The following SLC6A3 variants were observed in gnomAD, a reference collection of about 807,000 sequenced individuals.
SLC6A3 encodes the protein sodium-dependent dopamine transporter.
A neutral mutation model predicts 70.4 loss-of-function variants in SLC6A3; 19 were observed. The ratio of observed to expected loss-of-function variants is 0.27; its 90% CI spans 0.19 to 0.40. The LOEUF (loss-of-function observed/expected upper bound fraction) is 0.40, where lower values mean the gene tolerates loss of function less well. Among genes scored for constraint, SLC6A3 ranks in the 10% least tolerant of loss-of-function variants. The pLI, the probability that SLC6A3 is intolerant of heterozygous loss-of-function variation, is 1.00. For synonymous variants in SLC6A3, 368 were observed against 356.6 expected (o/e 1.03, Z -0.36); for missense variants, 613 against 838.5 (o/e 0.73, Z 3.32).
chr5:1,397,705 A>G lies in SLC6A3; in HGVS notation c.1840-2947T>C, dbSNP rs1755754195. Among the ~76,000 whole-genome samples, 1 of 152,216 alleles carries G rather than the reference A, an allele frequency of 6.6e-6. No homozygotes were observed. The highest frequency in any genetic ancestry group is 6.5e-5 in the Admixed American group (1 of 15,280). ...CAGCATAAAGATGTTCCCACACACC[A>G]ATAGTGAGGGAGGTTAGCAAGAGAC... On this transcript the variant is annotated intron_variant, in intron 14 of 14. Coordinates refer to ENST00000270349, the MANE Select transcript of SLC6A3 (RefSeq NM_001044.5). The surrounding 1 kb of genome is among the most constrained non-coding windows in gnomAD (Gnocchi z 4.7).
At chr5:1,407,326 C>T (rs1255364107) in intron 11 of SLC6A3, among the ~76,000 whole-genome samples, 1 of 152,182 alleles carries the variant, frequency 6.6e-6, no homozygotes, top group East Asian at 1.9e-4. Context: ...GAGCTCTGAA[C>T]ATGAGAGATG....
chr5:1,423,338 G>A (rs1311150155), intron 4 of SLC6A3, among the ~76,000 whole-genome samples: 1 of 151,014 alleles, frequency 6.6e-6, no homozygotes, highest in Non-Finnish European at 1.5e-5. Flanking sequence ...ACCCACCGCT[G>A]CCCACAGTGC....
chr5:1,410,042 G>A (rs1008144810), intron 9 of SLC6A3, among the ~76,000 whole-genome samples, 193 bp from the exon 10 acceptor site: 12 of 152,224 alleles, frequency 7.9e-5, no homozygotes, highest in African/African-American at 2.7e-4. Context: ...CGGCACGACC[G>A]CAGGAGAGAG....
At chr5:1,416,073 C>T in intron 7 of SLC6A3, 25 bp downstream of exon 7, 2 of 1,566,474 alleles carry the variant, frequency 1.3e-6, no homozygotes, top group East Asian at 2.2e-5. Context: ...GATGAGGCCC[C>T]TGCCTGGCCC....
At chr5:1,414,925 C>T (rs565851371) in intron 7 of SLC6A3, 110 bp from the exon 8 acceptor site, 35 of 1,407,360 alleles carry the variant, frequency 2.5e-5, no homozygotes, top group South Asian at 1.2e-4. Flanking sequence ...GGGAGGTCTT[C>T]GGAGGGGCTA....
At chr5:1,440,270 T>C (rs1756942714) in intron 3 of SLC6A3, among the ~76,000 whole-genome samples, 1 of 151,936 alleles carries the variant, frequency 6.6e-6, no homozygotes, top group South Asian at 2.1e-4. Flanking sequence ...GATCCATAGA[T>C]AGATGAATGG....
rs557613960 is a variant in SLC6A3, at chr5:1,421,411, A to G, written c.792+465T>C. Among the ~76,000 whole-genome samples, 3 of 152,274 alleles carry G rather than the reference A, an allele frequency of 2.0e-5. No individual in the cohort carries two copies. Among genetic ancestry groups the G allele is most frequent in the African/African-American group, 7.2e-5 (3 of 41,562 alleles). On this transcript the variant is annotated intron_variant, in intron 5 of 14. Transcript: ENST00000270349. The surrounding 1 kb of genome is among the most constrained non-coding windows in gnomAD (Gnocchi z 7.2). Reference sequence around the variant, plus strand: ...AGGCTGTTCTTGAACCCCTGACCTCAGGTGATCTGCCCGTCTCAGCCTCCC... The same window carrying G: ...AGGCTGTTCTTGAACCCCTGACCTCGGGTGATCTGCCCGTCTCAGCCTCCC...
chr5:1,419,845 C>G (rs184517151), intron 6 of SLC6A3, among the ~76,000 whole-genome samples: 4 of 151,626 alleles, frequency 2.6e-5, no homozygotes, highest in Admixed American at 6.6e-5. Flanking sequence ...CAGGTGCCCT[C>G]TCTCACTGCA....
At chr5:1,410,662 C>T (rs1038818087) in intron 9 of SLC6A3, among the ~76,000 whole-genome samples, 2 of 152,130 alleles carry the variant, frequency 1.3e-5, no homozygotes, top group African/African-American at 4.8e-5. Context: ...CTCCTCATTC[C>T]TCATGGGGTA....
rs774646541 is a variant in SLC6A3, at chr5:1,416,083, C to T, written c.1031+15G>A. 3.1e-6 allele frequency: 5 copies of T among 1,604,386 alleles called. No individual in the cohort carries two copies. Among genetic ancestry groups the T allele is most frequent in the African/African-American group, 1.3e-5 (1 of 74,770 alleles). ...GTATTGATGAGGCCCCTGCCTGGCC[C>T]TGCTAGGGGCTCACCTGTAGCAGTT... On this transcript the variant is annotated intron_variant, in intron 7 of 14. Coordinates refer to ENST00000270349, the MANE Select transcript of SLC6A3 (RefSeq NM_001044.5).
intron 3 of SLC6A3, among the ~76,000 whole-genome samples, chr5:1,440,531 C>T (rs999191228): frequency 8.5e-5 from 13 of 152,068 alleles, no homozygotes; most frequent in African/African-American, 1.2e-4. Context: ...GGGATGTGTC[C>T]CTCCCCCAAG....
At position 1,409,096 on chromosome 5, in the gene SLC6A3, G is replaced by A. The variant is rs1368393965; in HGVS notation, c.1428C>T (p.Asp476=). 1.9e-6 allele frequency: 3 copies of A among 1,612,514 alleles called. No individual in the cohort carries two copies. Among genetic ancestry groups the A allele is most frequent in the South Asian group, 1.1e-5 (1 of 90,896 alleles). Residue 476 remains aspartate (D), a synonymous_variant, in exon 11 of 15, where the codon GAC becomes GAT. Coordinates refer to ENST00000270349, the MANE Select transcript of SLC6A3 (RefSeq NM_001044.5). ...GGATGGACGTGCCGGCTGCAAAATG[G>A]TCCAGGAGCGTGAAGACGTAGATGC... is the stretch of plus-strand genomic sequence containing the variant. The part of the protein sequence containing the change: ...NGGIYVFTLL[D]HFAAGTSILF...
In SLC6A3 at chr5:1,406,126, C is replaced by T; in HGVS notation, c.1599+62G>A. 8.1e-7 allele frequency: 1 copy of T among 1,235,894 alleles called. No homozygotes were observed. The highest frequency in any genetic ancestry group is 1.2e-6 in the Non-Finnish European group (1 of 835,910). 76.6% of individuals were successfully genotyped at this position (1,235,894 alleles called of 1,614,324 possible). On this transcript the variant is annotated intron_variant, in intron 12 of 14. Transcript: ENST00000270349. The surrounding 1 kb of genome is among the most constrained non-coding windows in gnomAD (Gnocchi z 8.8). The stretch of plus-strand genomic sequence containing the variant: ...CACATGCGGGCGCTGGACCTCGGGG[C>T]AGGTGCCAGAGTGGGGGCAGTGGGC...
At chr5:1,432,405 A>G in intron 4 of SLC6A3, 59 bp downstream of exon 4, 1 of 1,320,654 alleles carries the variant, frequency 7.6e-7, no homozygotes, top group Non-Finnish European at 1.1e-6. Flanking sequence ...CCAAGGGGCT[A>G]CCATGGGGGA....
In SLC6A3 at chr5:1,430,140, C is replaced by T. The variant is rs563046380; in HGVS notation, c.653+2324G>A. 5.3e-4 allele frequency among the ~76,000 whole-genome samples: 80 copies of T among 152,128 alleles called. 1 individual carries two copies. Among genetic ancestry groups the T allele is most frequent in the Non-Finnish European group, 9.1e-4 (62 of 68,028 alleles). On this transcript the variant is annotated intron_variant, in intron 4 of 14. Transcript: ENST00000270349. ...GCATCTTCTCTCCCGCCTGCCCCACCTTCTGAAACCAGCCCTCCTCCCATG... is the reference window on the plus strand; with the variant it reads ...GCATCTTCTCTCCCGCCTGCCCCACTTTCTGAAACCAGCCCTCCTCCCATG...
intron 12 of SLC6A3, 91 bp from the exon 13 acceptor site, chr5:1,403,180 C>A: frequency 7.0e-7 from 1 of 1,429,256 alleles, no homozygotes; most frequent in Non-Finnish European, 9.6e-7. Flanking sequence ...GGCAGAGCGT[C>A]TCTCAGCCCC....
chr5:1,408,732 C>T lies in SLC6A3; in HGVS notation c.1498+294G>A, dbSNP rs56719408. 9.8e-5 allele frequency among the ~76,000 whole-genome samples: 15 copies of T among 152,310 alleles called. 2 individuals carry two copies. In the East Asian group the frequency reaches 2.9e-3, roughly 29 times the overall value. On this transcript the variant is annotated intron_variant, in intron 11 of 14. Transcript: ENST00000270349. The surrounding 1 kb of genome is among the most constrained non-coding windows in gnomAD (Gnocchi z 6.4). ...CCCAGCATGGATCTGATTGTGTTCCCCTGGGTGGGATGGGCTCACCGGTGC... is the reference window on the plus strand; with the variant it reads ...CCCAGCATGGATCTGATTGTGTTCCTCTGGGTGGGATGGGCTCACCGGTGC...
At chr5:1,403,177 C>T (rs908237210) in intron 12 of SLC6A3, 88 bp from the exon 13 acceptor site, 16 of 1,426,358 alleles carry the variant, frequency 1.1e-5, no homozygotes, top group African/African-American at 7.1e-5. Context: ...CATGGCAGAG[C>T]GTCTCTCAGC....
chr5:1,441,141 A>G (rs570987919), intron 3 of SLC6A3, among the ~76,000 whole-genome samples: 3 of 152,362 alleles, frequency 2.0e-5, no homozygotes, highest in Admixed American at 2.0e-4. Context: ...ACCACAAATG[A>G]ATTGCAGGAC....
Sources: gnomAD v4.1 joint callset for allele counts (sites outside exome capture counted in the v4.1 genomes callset) on GRCh38, gnomAD v4.1.1 for gene constraint, Gnocchi (gnomAD v3.1) non-coding constraint, MANE v1.5 for transcripts, NCBI Gene and HGNC (gene_info 2026-07-23, HGNC 2026-07-21) for gene names.